CABLES1: variants seen among roughly 807,000 people sequenced by gnomAD.
CABLES1 encodes the protein CDK5 and ABL1 enzyme substrate 1.
Under a neutral mutation model 57.8 loss-of-function variants are expected in CABLES1, and 36 were observed. That is an observed-to-expected ratio of 0.62 (90% CI 0.48 to 0.82). CABLES1 has a LOEUF of 0.82. Among genes scored for constraint, CABLES1 ranks in the 40% least tolerant of loss-of-function variants. The pLI is 0.00. For missense variants in CABLES1, 767 were observed against 836.6 expected, an observed-to-expected ratio of 0.92 and a Z score of 1.03; for synonymous variants, 374 against 363.0, an observed-to-expected ratio of 1.03 and a Z score of -0.35.
At position 23,187,647 on chromosome 18, in the gene CABLES1, A is replaced by G. The variant is rs1306909812; in HGVS notation, c.846-1191A>G. On this transcript the variant is annotated intron_variant, in intron 1 of 9. Coordinates refer to ENST00000256925, the MANE Select transcript of CABLES1 (RefSeq NM_001100619.3). ...GGTGATCAGCCTGCCTCGGCCTCCC[A>G]AAGTGCTGGGATTACAGGCGTGAGC... is the stretch of plus-strand genomic sequence containing the variant. Among the ~76,000 whole-genome samples the G allele has an allele frequency of 3.3e-5, 5 of 152,182 alleles. No homozygotes were observed. The East Asian group carries it at 7.7e-4, about 23-fold the overall frequency.
chr18:23,170,013 T>C (rs2047071300), intron 1 of CABLES1, among the ~76,000 whole-genome samples: 2 of 152,156 alleles, frequency 1.3e-5, no homozygotes. Context: ...CAATGCCCTA[T>C]CCCTCTCAGC....
In CABLES1 at chr18:23,194,515, C is replaced by A. The variant is rs746579340; in HGVS notation, c.985C>A (p.Arg329=). ...GAAGATTCATTTTATCAAGAACATGCGGCAACACGATACCAGGAATGGCAG... is the reference window on the plus strand; with the variant it reads ...GAAGATTCATTTTATCAAGAACATGAGGCAACACGATACCAGGAATGGCAG... The part of the protein sequence containing the change: ...FKKIHFIKNM[R]QHDTRNGRIV... The change falls in exon 3 of 10, where the codon CGG becomes AGG. Residue 329 remains arginine, a synonymous_variant. Coordinates refer to ENST00000256925, the MANE Select transcript of CABLES1 (RefSeq NM_001100619.3). 1.9e-6 allele frequency: 3 copies of A among 1,611,718 alleles called. No homozygotes were observed. Among genetic ancestry groups the A allele is most frequent in the African/African-American group, 1.3e-5 (1 of 74,874 alleles).
At chr18:23,182,834 C>T (rs968542140) in intron 1 of CABLES1, among the ~76,000 whole-genome samples, 2 of 152,190 alleles carry the variant, frequency 1.3e-5, no homozygotes, top group Non-Finnish European at 2.9e-5. Context: ...CCAGGCCCCA[C>T]GATGACACTG....
chr18:23,253,772 C>CT lies in CABLES1; in HGVS notation c.1599dup (p.Glu534Ter). On this transcript the variant is annotated frameshift_variant, in exon 9 of 10. Transcript: ENST00000256925. LOFTEE classifies it high-confidence loss of function. ...GAAGCTTGCGCAGGAGGACTGTGGC[C>CT]TTGAGGAGCCCACGGTGGCCATGGC... is the stretch of plus-strand genomic sequence containing the variant. The CT allele has an allele frequency of 6.2e-7, 1 of 1,614,202 alleles. No homozygotes were observed. The highest frequency in any genetic ancestry group is 8.5e-7 in the Non-Finnish European group (1 of 1,180,032).
At chr18:23,239,360 G>A (rs1475456403) in intron 7 of CABLES1, among the ~76,000 whole-genome samples, 1 of 152,204 alleles carries the variant, frequency 6.6e-6, no homozygotes, top group Non-Finnish European at 1.5e-5. Flanking sequence ...GTCGGCTCCT[G>A]GAGACCTATG....
chr18:23,212,086 C>A (rs574324593), intron 3 of CABLES1, among the ~76,000 whole-genome samples: 3 of 152,252 alleles, frequency 2.0e-5, no homozygotes, highest in African/African-American at 7.2e-5. Context: ...ATGTAGACAG[C>A]CATGCATGGG....
At chr18:23,225,676 C>T (rs2047522487) in intron 4 of CABLES1, among the ~76,000 whole-genome samples, 1 of 152,198 alleles carries the variant, frequency 6.6e-6, no homozygotes, top group South Asian at 2.1e-4. Context: ...AAACCAGCTC[C>T]TTTTTCCTCA....
rs765804505 is a variant in CABLES1, at chr18:23,188,857, A to G, written c.865A>G (p.Arg289Gly). Reference protein sequence around the residue: ...QRSRRRLISQRSSLETLEDIE... With the variant: ...QRSRRRLISQGSSLETLEDIE... ...CTGCAGACGGCGCCTCATCTCCCAG[A>G]GATCTTCCTTGGAGACCCTGGAAGA... Residue 289 changes from arginine to glycine, a missense_variant, in exon 2 of 10, where the codon AGA becomes GGA. Arg to Gly is a moderately radical substitution (Grantham distance 125, BLOSUM62 -2). Around this residue, in one of 4 missense-constraint regions of CABLES1, gnomAD observed 529 missense variants for 622.8 expected, o/e 0.85. Transcript: ENST00000256925. 1 of 1,613,886 alleles carries G rather than the reference A, an allele frequency of 6.2e-7. No homozygotes were observed. The highest frequency in any genetic ancestry group is 1.3e-5 in the African/African-American group (1 of 74,898).
intron 3 of CABLES1, among the ~76,000 whole-genome samples, chr18:23,195,396 C>T (rs1349766781): frequency 6.6e-6 from 1 of 152,130 alleles, no homozygotes; most frequent in Non-Finnish European, 1.5e-5. Flanking sequence ...TATAGAAGAC[C>T]ATATGGGCCC....
intron 3 of CABLES1, among the ~76,000 whole-genome samples, chr18:23,205,181 CTTTTTTTTTTTT>C: frequency 1.2e-5 from 1 of 81,186 alleles, no homozygotes; most frequent in South Asian, 4.9e-4. Flanking sequence ...TCATTCCTGA[CTTTTTTTTTTTT>C]TTTTTTTTTT....
intron 1 of CABLES1, among the ~76,000 whole-genome samples, chr18:23,159,988 C>T (rs2046992161): frequency 6.6e-6 from 1 of 151,340 alleles, no homozygotes; most frequent in South Asian, 2.1e-4. Context: ...TTTGAAATTA[C>T]CTAAATAAGA....
intron 7 of CABLES1, among the ~76,000 whole-genome samples, chr18:23,238,310 G>A (rs1431746495): frequency 6.6e-6 from 1 of 152,210 alleles, no homozygotes; most frequent in Non-Finnish European, 1.5e-5. Context: ...AGAACTTGGG[G>A]CCTTGCCAGT....
chr18:23,156,466 T>TAGTA (rs1158219776), intron 1 of CABLES1, among the ~76,000 whole-genome samples: 1 of 152,232 alleles, frequency 6.6e-6, no homozygotes, highest in Admixed American at 6.5e-5. Context: ...TGTCCTCCTA[T>TAGTA]AGTAGCTGCC....
At chr18:23,137,417 T>A (rs1011503096) in intron 1 of CABLES1, among the ~76,000 whole-genome samples, 1 of 152,206 alleles carries the variant, frequency 6.6e-6, no homozygotes, top group African/African-American at 2.4e-5. Context: ...CTGTGTGAAC[T>A]GAAGCTTGCA....
chr18:23,137,152 T>G lies in CABLES1; in HGVS notation c.845+545T>G, dbSNP rs2046828470. Among the ~76,000 whole-genome samples the G allele has an allele frequency of 1.3e-5, 2 of 152,202 alleles. 1 individual carries two copies. The highest frequency in any genetic ancestry group is 4.1e-4 in the South Asian group (2 of 4,832). Reference sequence around the variant, plus strand: ...ATTTGCTTTCCTGAGCAATGGAAAGTCCTTCTTACATTGCCTCCAACTAGG... The same window carrying G: ...ATTTGCTTTCCTGAGCAATGGAAAGGCCTTCTTACATTGCCTCCAACTAGG... On this transcript the variant is annotated intron_variant, in intron 1 of 9. Coordinates refer to ENST00000256925, the MANE Select transcript of CABLES1 (RefSeq NM_001100619.3).
At position 23,235,912 on chromosome 18, in the gene CABLES1, A is replaced by G. The variant is rs775102948; in HGVS notation, c.1203A>G (p.Gln401=). Residue 401 remains glutamine (Q), a synonymous_variant, in exon 6 of 10, where the codon CAA becomes CAG. Coordinates refer to ENST00000256925, the MANE Select transcript of CABLES1 (RefSeq NM_001100619.3). ...CCTTTTAGACTGTTTCCTATACCCA[A>G]TTTCTGTTACCCACAAATGCCTTTG... ...GADGKTVSYT[Q]FLLPTNAFGA... is the part of the protein sequence containing the mutation. 5.6e-6 allele frequency: 9 copies of G among 1,614,106 alleles called. No homozygotes were observed. The South Asian group carries it at 9.9e-5, about 18-fold the overall frequency.
At chr18:23,161,930 A>T (rs1163790483) in intron 1 of CABLES1, among the ~76,000 whole-genome samples, 2 of 151,884 alleles carry the variant, frequency 1.3e-5, no homozygotes, top group African/African-American at 2.4e-5. Context: ...CTCAAAAAAA[A>T]AAAAGCGGGT....
chr18:23,184,573 C>G (rs554823125), intron 1 of CABLES1, among the ~76,000 whole-genome samples: 1 of 151,888 alleles, frequency 6.6e-6, no homozygotes, highest in Non-Finnish European at 1.5e-5. Flanking sequence ...TGTGGTCGCG[C>G]GCACCTGTAA....
chr18:23,192,125 T>C (rs1471301098), intron 2 of CABLES1, among the ~76,000 whole-genome samples: 1 of 152,212 alleles, frequency 6.6e-6, no homozygotes, highest in Non-Finnish European at 1.5e-5. Flanking sequence ...CTCCAAGAAC[T>C]GAGCATGCGT....
Sources: allele counts gnomAD v4.1 joint callset (sites outside exome capture counted in the v4.1 genomes callset), GRCh38; gene constraint gnomAD v4.1.1; regional missense constraint gnomAD v4.1.1; transcripts MANE v1.5; gene names NCBI Gene and HGNC (gene_info 2026-07-23, HGNC 2026-07-21).